The following CCSER1 variants were observed in gnomAD, a reference collection of about 807,000 sequenced individuals.
CCSER1 encodes serine-rich coiled-coil domain-containing protein 1.
In CCSER1, 41 loss-of-function variants were observed where a neutral mutation model predicts 82.0. That is an observed-to-expected ratio of 0.50 (90% CI 0.39 to 0.65). The LOEUF (loss-of-function observed/expected upper bound fraction) is 0.65. Among genes scored for constraint, CCSER1 ranks in the 30% least tolerant of loss-of-function variants. The probability of loss-of-function intolerance (pLI) is 0.00; values close to 1 mark genes in which losing one functional copy is unlikely to be tolerated. For missense variants in CCSER1, 1,119 were observed against 1,064.2 expected, an observed-to-expected ratio of 1.05 and a Z score of -0.72; for synonymous variants, 414 against 383.9, an observed-to-expected ratio of 1.08 and a Z score of -0.92.
intron 1 of CCSER1, among the ~76,000 whole-genome samples, chr4:90,177,328 A>G (rs1258007669): frequency 6.6e-6 from 1 of 152,130 alleles, no homozygotes; most frequent in Non-Finnish European, 1.5e-5. Flanking sequence ...TTGTAGCAGC[A>G]ATGGCAACAA....
intron 9 of CCSER1, among the ~76,000 whole-genome samples, chr4:91,036,814 C>A (rs1365011854): frequency 6.6e-6 from 1 of 152,128 alleles, no homozygotes; most frequent in African/African-American, 2.4e-5. Context: ...TGCAATGGCT[C>A]ATGCCTGTGA....
At position 91,359,565 on chromosome 4, in the gene CCSER1, G is replaced by A. The variant is rs1749108308; in HGVS notation, c.2218-239007G>A. On this transcript the variant is annotated intron_variant, in intron 10 of 10. Transcript: ENST00000509176. Reference sequence around the variant, plus strand: ...TTTTTAGGTAAATTCAAACTAGCTTGTGAGGTATTGCTTCTTATTAACAGA... The same window carrying A: ...TTTTTAGGTAAATTCAAACTAGCTTATGAGGTATTGCTTCTTATTAACAGA... 1.3e-5 allele frequency among the ~76,000 whole-genome samples: 2 copies of A among 151,744 alleles called. 1 individual carries two copies. Among genetic ancestry groups the A allele is most frequent in the Admixed American group, 1.3e-4 (2 of 15,178 alleles).
At chr4:91,510,146 A>G (rs1437493542) in intron 10 of CCSER1, among the ~76,000 whole-genome samples, 4 of 152,150 alleles carry the variant, frequency 2.6e-5, no homozygotes, top group East Asian at 3.9e-4. Context: ...ACTTGGGACA[A>G]TGGCCCCCAG....
At chr4:90,589,603 A>G (rs77320194) in intron 5 of CCSER1, among the ~76,000 whole-genome samples, 2,852 of 152,194 alleles carry the variant, frequency 0.019, 98 homozygotes, top group African/African-American at 0.064. Context: ...TAATATGACA[A>G]AGATCTATTC....
rs70965488 is a variant in CCSER1, at chr4:91,367,130, CAAAAAA to C, written c.2218-231427_2218-231422del. Among the ~76,000 whole-genome samples, 27 of 63,728 alleles carry C rather than the reference CAAAAAA, an allele frequency of 4.2e-4. No homozygotes were observed. In the East Asian group the frequency reaches 7.1e-3, roughly 17 times the overall value. The allele number at this position is 63,728 out of a possible 152,430, so 41.8% of individuals were successfully genotyped here. Reference sequence around the variant, plus strand: ...GCAACATGGTGAAACACCATCTCTCCAAAAAAAAAAAAAAAAAAAAGAGAAAAAAAT... The same window carrying C: ...GCAACATGGTGAAACACCATCTCTCCAAAAAAAAAAAAAAGAGAAAAAAAT... On this transcript the variant is annotated intron_variant, in intron 10 of 10. Coordinates refer to ENST00000509176, the MANE Select transcript of CCSER1 (RefSeq NM_001145065.2).
chr4:90,888,986 C>T (rs964364222), intron 8 of CCSER1, among the ~76,000 whole-genome samples: 1 of 151,912 alleles, frequency 6.6e-6, no homozygotes, highest in Non-Finnish European at 1.5e-5. Flanking sequence ...TGTCACATAG[C>T]AATGTCATAG....
chr4:90,792,290 A>G (rs903552099), intron 7 of CCSER1, among the ~76,000 whole-genome samples: 1 of 152,162 alleles, frequency 6.6e-6, no homozygotes, highest in African/African-American at 2.4e-5. Context: ...TCAGCACCCC[A>G]TAAAATAGGG....
chr4:90,763,949 G>GTTAAA (rs1750793700), intron 7 of CCSER1, among the ~76,000 whole-genome samples: 1 of 152,012 alleles, frequency 6.6e-6, no homozygotes, highest in African/African-American at 2.4e-5. Context: ...AAATGTTTAT[G>GTTAAA]ATTTTATAAA....
intron 9 of CCSER1, among the ~76,000 whole-genome samples, chr4:91,009,060 G>A (rs1411182933): frequency 6.6e-6 from 1 of 152,208 alleles, no homozygotes; most frequent in Non-Finnish European, 1.5e-5. Flanking sequence ...CCCGGATCAG[G>A]AGCACAGTGG....
intron 7 of CCSER1, among the ~76,000 whole-genome samples, chr4:90,754,498 A>G (rs60127568): frequency 0.19 from 28,890 of 152,054 alleles, 3,324 homozygotes; most frequent in South Asian, 0.27. Context: ...ATTCTGATCT[A>G]GTCCCTGTCT....
At chr4:90,247,528 T>A (rs1322916306) in intron 1 of CCSER1, among the ~76,000 whole-genome samples, 1 of 152,148 alleles carries the variant, frequency 6.6e-6, no homozygotes, top group Non-Finnish European at 1.5e-5. Flanking sequence ...TCCATAGAAT[T>A]AAACTAATCA....
chr4:90,972,139 A>G (rs1735169323), intron 9 of CCSER1, among the ~76,000 whole-genome samples: 1 of 151,782 alleles, frequency 6.6e-6, no homozygotes, highest in Non-Finnish European at 1.5e-5. Flanking sequence ...TCCTATCCAG[A>G]GCAATTAAAC....
At chr4:90,639,784 A>T (rs1214797558) in intron 6 of CCSER1, among the ~76,000 whole-genome samples, 1 of 152,136 alleles carries the variant, frequency 6.6e-6, no homozygotes, top group African/African-American at 2.4e-5. Context: ...GAAGGTTGAA[A>T]TTCTTATTTC....
intron 5 of CCSER1, among the ~76,000 whole-genome samples, chr4:90,576,870 T>C (rs573340967): frequency 1.3e-5 from 2 of 152,208 alleles, no homozygotes; most frequent in Admixed American, 6.5e-5. Flanking sequence ...GTTTTCAACT[T>C]TGGGGTGGTA....
intron 10 of CCSER1, among the ~76,000 whole-genome samples, chr4:91,409,429 C>A (rs1752895473): frequency 6.6e-6 from 1 of 152,006 alleles, no homozygotes; most frequent in Non-Finnish European, 1.5e-5. Context: ...ATTTTATATT[C>A]TTTTTCCAGA....
At position 91,464,860 on chromosome 4, in the gene CCSER1, C is replaced by T. The variant is rs187664466; in HGVS notation, c.2218-133712C>T. 9.7e-3 allele frequency among the ~76,000 whole-genome samples: 1,478 copies of T among 152,210 alleles called. 9 individuals carry two copies. The highest frequency in any genetic ancestry group is 0.02 in the Middle Eastern group (6 of 294). On this transcript the variant is annotated intron_variant, in intron 10 of 10. Coordinates refer to ENST00000509176, the MANE Select transcript of CCSER1 (RefSeq NM_001145065.2). ...GAACACCCAGATTCATAAAGCAAGT[C>T]GTTAGAGACCTACAAAGAGACTTAG...
Position 90,352,772 on chromosome 4 carries a change from TG to T in CCSER1, c.1509+39730del, listed in dbSNP as rs987037638. On this transcript the variant is annotated intron_variant, in intron 3 of 10. Coordinates refer to ENST00000509176, the MANE Select transcript of CCSER1 (RefSeq NM_001145065.2). ...TTGAATAACTGTTTTTCCTGTAAAA[TG>T]GGGGAATAATATATACCTTGAGGAC... Among the ~76,000 whole-genome samples, 3 of 151,912 alleles carry T rather than the reference TG, an allele frequency of 2.0e-5. 1 individual carries two copies. The South Asian group carries it at 6.2e-4, about 32-fold the overall frequency.
chr4:90,261,359 C>A (rs1185428233), intron 1 of CCSER1, among the ~76,000 whole-genome samples: 3 of 152,128 alleles, frequency 2.0e-5, no homozygotes, highest in Non-Finnish European at 4.4e-5. Context: ...ATTTATGAAG[C>A]TAAGTTTCAC....
At chr4:90,295,835 A>G (rs2153470651) in intron 1 of CCSER1, among the ~76,000 whole-genome samples, 1 of 152,136 alleles carries the variant, frequency 6.6e-6, no homozygotes, top group Non-Finnish European at 1.5e-5. Flanking sequence ...ACATATCCCC[A>G]GTGTCCCCAT....
Sources: allele counts gnomAD v4.1 joint callset (sites outside exome capture counted in the v4.1 genomes callset), GRCh38; gene constraint gnomAD v4.1.1; transcripts MANE v1.5; gene names NCBI Gene and HGNC (gene_info 2026-07-23, HGNC 2026-07-21).